NKAP: variants seen among roughly 807,000 people sequenced by gnomAD.
NKAP encodes the protein NF-kappa-B-activating protein.
NKAP carries 4 observed loss-of-function variants against 35.6 expected under a neutral mutation model. The observed-to-expected ratio is 0.11, with a 90% confidence interval of 0.06 to 0.26. The LOEUF (loss-of-function observed/expected upper bound fraction) is 0.26. NKAP is among the 10% of genes least tolerant of loss of function. The pLI is 1.00. For synonymous variants in NKAP, 106 were observed against 119.2 expected (o/e 0.89, Z 0.72); for missense variants, 238 against 321.9 (o/e 0.74, Z 1.99).
chrX:119,938,689 CATATT>C (rs781137389), intron 2 of NKAP, 36 bp downstream of exon 2: 6 of 907,165 alleles, frequency 6.6e-6, no homozygotes, highest in Non-Finnish European at 9.3e-6. Context: ...GATTTAAACA[CATATT>C]ATAACATTTT....
rs763416705 is a variant in NKAP at position 119,923,569 on chromosome X, A to G, written c.*1651T>C. 9.8e-5 allele frequency: 11 copies of G among 112,648 alleles called. No individual in the cohort carries two copies. The highest frequency in any genetic ancestry group is 2.8e-4 in the East Asian group (1 of 3,628). The allele number at this position is 112,648 out of a possible 1,213,427, so 9.3% of individuals were successfully genotyped here. On this transcript the variant is annotated 3_prime_UTR_variant, in exon 9 of 9. Coordinates refer to ENST00000371410, the MANE Select transcript of NKAP (RefSeq NM_024528.4). ...TGGATGTTATCCTATCCTCAAGCTC[A>G]TATCAGCTCAGATTGAAATAAAGTA...
chrX:119,925,042 G>T lies in NKAP; in HGVS notation c.*178C>A, dbSNP rs1285077255. On this transcript the variant is annotated 3_prime_UTR_variant, in exon 9 of 9. Coordinates refer to ENST00000371410, the MANE Select transcript of NKAP (RefSeq NM_024528.4). ...TATGGTCAATCCAAAATAACCCAAA[G>T]AACTTGCTAAAGTTATATCAATAAG... 17 of 491,515 alleles carry T rather than the reference G, an allele frequency of 3.5e-5. No homozygotes were observed. In the Admixed American group the frequency reaches 6.9e-4, roughly 20 times the overall value. The allele number at this position is 491,515 out of a possible 1,213,427, so 40.5% of individuals were successfully genotyped here.
rs746852235 is a variant in NKAP, at chrX:119,921,021, T to C, written c.*4199A>G. ...GGCAACAGTTCTACAGCTCATAATA[T>C]AACCAGTCTGAAGGGTTCCCCTACT... On this transcript the variant is annotated 3_prime_UTR_variant, in exon 9 of 9. Transcript: ENST00000371410. 1 of 115,364 alleles carries C rather than the reference T, an allele frequency of 8.7e-6. No individual in the cohort carries two copies. The highest frequency in any genetic ancestry group is 3.2e-5 in the African/African-American group (1 of 30,962). 9.5% of individuals were successfully genotyped at this position (115,364 alleles called of 1,213,427 possible). A position where few individuals can be genotyped will look rare whatever the true frequency, so the allele number is the denominator to read the frequency against.
chrX:119,925,698 A>G (rs1165029202), intron 8 of NKAP, among the ~76,000 whole-genome samples: 1 of 109,133 alleles, frequency 9.2e-6, no homozygotes, highest in African/African-American at 3.3e-5. Context: ...AGTAGCTGAG[A>G]TAACAGGTCT....
chrX:119,925,158 T>C lies in NKAP; in HGVS notation c.*62A>G, dbSNP rs1808157819. ...GAACATAATAATCTTTTTCTATGTA[T>C]GTGTGGAACCCAGACTTTCTTTTTT... On this transcript the variant is annotated 3_prime_UTR_variant, in exon 9 of 9. Transcript: ENST00000371410. The C allele has an allele frequency of 8.2e-6, 9 of 1,094,192 alleles. No individual in the cohort carries two copies. The highest frequency in any genetic ancestry group is 1.0e-5 in the Non-Finnish European group (8 of 802,960). 90.2% of individuals were successfully genotyped at this position (1,094,192 alleles called of 1,213,427 possible). A position where few individuals can be genotyped will look rare whatever the true frequency, so the allele number is the denominator to read the frequency against.
rs1045005974 is a variant in NKAP at position 119,922,805 on chromosome X, C to T, written c.*2415G>A. On this transcript the variant is annotated 3_prime_UTR_variant, in exon 9 of 9. Transcript: ENST00000371410. The stretch of plus-strand genomic sequence containing the variant: ...TTTAAACACTTTTGAAAAACAACCA[C>T]TTAAAAATATAAGGCAAGCGGGCAT... 8.9e-6 allele frequency: 1 copy of T among 111,993 alleles called. No homozygotes were observed. Among genetic ancestry groups the T allele is most frequent in the Non-Finnish European group, 1.9e-5 (1 of 53,226 alleles). 9.2% of individuals were successfully genotyped at this position (111,993 alleles called of 1,213,427 possible).
chrX:119,935,263 C>T, intron 4 of NKAP, among the ~76,000 whole-genome samples: 1 of 111,612 alleles, frequency 9.0e-6, no homozygotes, highest in Middle Eastern at 4.7e-3. Flanking sequence ...AAAAGTAATG[C>T]ATGCCCATTG....
intron 7 of NKAP, 61 bp from the exon 8 acceptor site, chrX:119,930,226 T>C: frequency 9.3e-7 from 1 of 1,079,548 alleles, no homozygotes. Flanking sequence ...TAAAAGCTTA[T>C]AATCTAAAGA....
At chrX:119,925,945 T>A (rs1412478948) in intron 8 of NKAP, among the ~76,000 whole-genome samples, 4 of 75,294 alleles carry the variant, frequency 5.3e-5, no homozygotes, top group Admixed American at 3.4e-4. Context: ...TTTTTTTTTT[T>A]AATTTTTTTT....
rs192311022 is a variant in NKAP at position 119,938,306 on chromosome X, A to T, written c.467+424T>A. 3.1e-3 allele frequency among the ~76,000 whole-genome samples: 338 copies of T among 110,625 alleles called. 2 individuals are homozygous for T. Among genetic ancestry groups the T allele is most frequent in the African/African-American group, 0.011 (321 of 30,320 alleles). ...TGAGGCAGGAGAATCGCTTGAACCCAGGAGGCGGAGGTTGCAGTGAGCTGA... is the reference window on the plus strand; with the variant it reads ...TGAGGCAGGAGAATCGCTTGAACCCTGGAGGCGGAGGTTGCAGTGAGCTGA... On this transcript the variant is annotated intron_variant, in intron 2 of 8. Coordinates refer to ENST00000371410, the MANE Select transcript of NKAP (RefSeq NM_024528.4).
At chrX:119,931,671 T>C (rs1262487878) in intron 7 of NKAP, among the ~76,000 whole-genome samples, 1 of 110,755 alleles carries the variant, frequency 9.0e-6, no homozygotes, top group Non-Finnish European at 1.9e-5. Flanking sequence ...CGAAGGATAG[T>C]AAGGATTTTA....
In NKAP at chrX:119,943,577, G is replaced by C. The variant is rs754433510; in HGVS notation, c.29C>G (p.Pro10Arg). The change falls in exon 1 of 9, where the codon CCG (proline) becomes CGG (arginine). Residue 10 changes from proline (P) to arginine (R), a missense_variant. Around this residue, in one of 5 missense-constraint regions of NKAP, gnomAD observed 123 missense variants for 115.3 expected, o/e 1.07. Transcript: ENST00000371410. The part of the protein sequence containing the change: MAPVSGSRS[P>R]DREASGSGGR... ...CCCCGAGCCCGAGGCCTCCCTATCC[G>C]GGCTGCGTGAGCCGGACACCGGAGC... 3 of 1,189,984 alleles carry C rather than the reference G, an allele frequency of 2.5e-6. No homozygotes were observed. Among genetic ancestry groups the C allele is most frequent in the Non-Finnish European group, 3.4e-6 (3 of 883,375 alleles).
chrX:119,927,684 G>A (rs1182173307), intron 8 of NKAP, among the ~76,000 whole-genome samples: 2 of 112,543 alleles, frequency 1.8e-5, no homozygotes, highest in African/African-American at 6.5e-5. Context: ...GTTCTCCTAT[G>A]CTTTCTAAAG....
rs1027103451 is a variant in NKAP at position 119,924,346 on chromosome X, T to G, written c.*874A>C. ...AAGTTTCTCATCTCACTAACACTTT[T>G]TGTTCAAGCCACCTCCTCCAATACA... is the stretch of plus-strand genomic sequence containing the variant. On this transcript the variant is annotated 3_prime_UTR_variant, in exon 9 of 9. Transcript: ENST00000371410. 1 of 111,306 alleles carries G rather than the reference T, an allele frequency of 9.0e-6. No homozygotes were observed. The highest frequency in any genetic ancestry group is 1.9e-5 in the Non-Finnish European group (1 of 53,039). The allele number at this position is 111,306 out of a possible 1,213,427, so 9.2% of individuals were successfully genotyped here.
chrX:119,933,396 C>T (rs960630437), intron 5 of NKAP, among the ~76,000 whole-genome samples: 2 of 111,486 alleles, frequency 1.8e-5, no homozygotes, highest in African/African-American at 6.5e-5. Flanking sequence ...GTTAATATGA[C>T]AAAAAGTGAC....
rs2056693519 is a variant in NKAP, at chrX:119,922,738, T to TA, written c.*2481dup. Reference sequence around the variant, plus strand: ...GGAGACCCTGTCTCAAAAATAATAATAAAAAAACTTTTGCTCTATACTTTG... The same window carrying TA: ...GGAGACCCTGTCTCAAAAATAATAATAAAAAAAACTTTTGCTCTATACTTTG... On this transcript the variant is annotated 3_prime_UTR_variant, in exon 9 of 9. Coordinates refer to ENST00000371410, the MANE Select transcript of NKAP (RefSeq NM_024528.4). 1 of 110,357 alleles carries TA rather than the reference T, an allele frequency of 9.1e-6. No individual in the cohort carries two copies. The highest frequency in any genetic ancestry group is 1.9e-5 in the Non-Finnish European group (1 of 52,722). The allele number at this position is 110,357 out of a possible 1,213,427, so 9.1% of individuals were successfully genotyped here. A position where few individuals can be genotyped will look rare whatever the true frequency, so the allele number is the denominator to read the frequency against.
chrX:119,936,458 T>C lies in NKAP; in HGVS notation c.539-27A>G, dbSNP rs778751455. The C allele has an allele frequency of 1.5e-5, 16 of 1,079,796 alleles. No homozygotes were observed. The African/African-American group carries it at 2.7e-4, about 18-fold the overall frequency. The allele number at this position is 1,079,796 out of a possible 1,213,427, so 89.0% of individuals were successfully genotyped here. On this transcript the variant is annotated intron_variant, in intron 3 of 8. Transcript: ENST00000371410. ...TAAGAAAGTACAAATTAAAAAATTATATTCTAAAAAACTATTTCTGAACAT... is the reference window on the plus strand; with the variant it reads ...TAAGAAAGTACAAATTAAAAAATTACATTCTAAAAAACTATTTCTGAACAT...
At chrX:119,927,476 C>T (rs1178843048) in intron 8 of NKAP, among the ~76,000 whole-genome samples, 3 of 111,828 alleles carry the variant, frequency 2.7e-5, no homozygotes, top group Non-Finnish European at 5.6e-5. Flanking sequence ...TCCCAAGTAG[C>T]TGGGACTACA....
At chrX:119,927,141 A>G (rs1184770888) in intron 8 of NKAP, among the ~76,000 whole-genome samples, 1 of 106,218 alleles carries the variant, frequency 9.4e-6, no homozygotes, top group Non-Finnish European at 1.9e-5. Flanking sequence ...TTAACTTCCA[A>G]GTCTCCCTCT....
Sources: allele counts gnomAD v4.1 joint callset (sites outside exome capture counted in the v4.1 genomes callset), GRCh38; gene constraint gnomAD v4.1.1; regional missense constraint gnomAD v4.1.1; transcripts MANE v1.5; gene names NCBI Gene and HGNC (gene_info 2026-07-23, HGNC 2026-07-21).